The following TRIP11 variants were observed in gnomAD, a reference collection of about 807,000 sequenced individuals.
TRIP11 encodes the protein thyroid hormone receptor interactor 11, also known as thyroid receptor-interacting protein 11.
TRIP11 carries 148 observed loss-of-function variants against 223.1 expected under a neutral mutation model. The ratio of observed to expected loss-of-function variants is 0.66; its 90% CI spans 0.58 to 0.76. The LOEUF (loss-of-function observed/expected upper bound fraction) is 0.76. TRIP11 is among the 30% of genes least tolerant of loss of function. The pLI, the probability that TRIP11 is intolerant of heterozygous loss-of-function variation, is 0.00. For synonymous variants in TRIP11, 762 were observed against 772.6 expected, an observed-to-expected ratio of 0.99 and a Z score of 0.23; for missense variants, 2,043 against 2,222.0, an observed-to-expected ratio of 0.92 and a Z score of 1.62.
Position 92,005,808 on chromosome 14 carries a change from G to A in TRIP11, c.2168C>T (p.Ala723Val). 1 of 1,613,980 alleles carries A rather than the reference G, an allele frequency of 6.2e-7. No individual in the cohort carries two copies. Among genetic ancestry groups the A allele is most frequent in the East Asian group, 2.2e-5 (1 of 44,848 alleles). ...CCTCTTTTTAGCCCAACACAATTCT[G>A]CCTCTATCTCTCCTTTTTCCATTTT... Reference protein sequence around the residue: ...TLKMEKGEIEAELCWAKKRLL... With the variant: ...TLKMEKGEIEVELCWAKKRLL... The change falls in exon 11 of 21, where the codon GCA becomes GTA. Residue 723 changes from alanine to valine, a missense_variant. Physicochemically the swap from Ala to Val is moderately conservative, Grantham distance 64 (BLOSUM62 0). Coordinates refer to ENST00000267622, the MANE Select transcript of TRIP11 (RefSeq NM_004239.4).
intron 4 of TRIP11, among the ~76,000 whole-genome samples, chr14:92,018,785 G>A (rs920197134): frequency 1.3e-5 from 2 of 151,302 alleles, no homozygotes; most frequent in African/African-American, 2.4e-5. Flanking sequence ...GTGAAACCCC[G>A]TCACTATTAA....
intron 3 of TRIP11, among the ~76,000 whole-genome samples, chr14:92,023,527 G>A (rs2057140419): frequency 6.6e-6 from 1 of 152,172 alleles, no homozygotes; most frequent in Non-Finnish European, 1.5e-5. Flanking sequence ...CATCAAACTG[G>A]CACTCAAAGT....
chr14:92,039,567 T>A lies in TRIP11; in HGVS notation c.119A>T (p.Glu40Val). 6.2e-7 allele frequency: 1 copy of A among 1,613,860 alleles called. No individual in the cohort carries two copies. Among genetic ancestry groups the A allele is most frequent in the Non-Finnish European group, 8.5e-7 (1 of 1,179,940 alleles). Residue 40 changes from glutamate to valine, a missense_variant, in exon 1 of 21, where the codon GAG becomes GTG. By Grantham distance (121) the Glu-to-Val change is moderately radical (BLOSUM62 -2). Coordinates refer to ENST00000267622, the MANE Select transcript of TRIP11 (RefSeq NM_004239.4). ...ISNFTKDMLMEGTEEVEAELP... is the reference protein window; with the variant it reads ...ISNFTKDMLMVGTEEVEAELP... ...GTTACCTTCCACTTCCTCCGTGCCC[T>A]CCATCAGCATATCCTTTGTAAAGTT...
chr14:92,018,692 G>C (rs1048481418), intron 4 of TRIP11, among the ~76,000 whole-genome samples: 4 of 151,998 alleles, frequency 2.6e-5, no homozygotes, highest in Non-Finnish European at 5.9e-5. Context: ...GGGCACAGTG[G>C]CTCATGCCTA....
intron 16 of TRIP11, among the ~76,000 whole-genome samples, chr14:91,979,059 C>A (rs1233996104): frequency 2.0e-5 from 3 of 151,958 alleles, no homozygotes; most frequent in Non-Finnish European, 4.4e-5. Context: ...GAGTTTGAGA[C>A]CAGCCTGGGC....
chr14:92,000,498 A>T (rs1015214234), intron 11 of TRIP11, among the ~76,000 whole-genome samples: 2 of 152,240 alleles, frequency 1.3e-5, no homozygotes, highest in African/African-American at 4.8e-5. Context: ...ATACCTCATA[A>T]CAATGTAAGA....
chr14:91,969,779 T>G lies in TRIP11; in HGVS notation c.5834A>C (p.His1945Pro), dbSNP rs1204296457. The G allele has an allele frequency of 6.2e-7, 1 of 1,614,008 alleles. No individual in the cohort carries two copies. Among genetic ancestry groups the G allele is most frequent in the African/African-American group, 1.3e-5 (1 of 74,928 alleles). ...ATCTGAGATGGGTTTCAGAAGAAGA[T>G]GCCCGGGCCCACCAGGTCCAAGTCC... ...PAGLGPGGPG[H>P]LLLKPISDVL... Residue 1945 changes from histidine (H) to proline (P), a missense_variant, in exon 21 of 21, where the codon CAT becomes CCT. By Grantham distance (77) the His-to-Pro change is moderately conservative. Transcript: ENST00000267622.
At chr14:92,024,335 C>G (rs1401076138) in intron 3 of TRIP11, among the ~76,000 whole-genome samples, 1 of 147,656 alleles carries the variant, frequency 6.8e-6, no homozygotes, top group Admixed American at 6.8e-5. Flanking sequence ...TGCACCACTG[C>G]ACTTCAGCCT....
Position 91,995,477 on chromosome 14 carries a change from T to C in TRIP11, c.4931A>G (p.Gln1644Arg), listed in dbSNP as rs2056738242. The change falls in exon 14 of 21, where the codon CAG becomes CGG. Residue 1644 changes from glutamine to arginine, a missense_variant. Coordinates refer to ENST00000267622, the MANE Select transcript of TRIP11 (RefSeq NM_004239.4). The stretch of plus-strand genomic sequence containing the variant: ...CCTTTGCTTGGAAACTACATTCAAC[T>C]GTTCTTGCAATGACTCTACCTGCAC... ...ASVQVESLQE[Q>R]LNVVSKQRDE... The C allele has an allele frequency of 2.5e-6, 4 of 1,614,164 alleles. No homozygotes were observed. In the East Asian group the frequency reaches 8.9e-5, roughly 36 times the overall value.
rs1197052460 is a variant in TRIP11 at position 92,005,200 on chromosome 14, T to G, written c.2776A>C (p.Lys926Gln). The stretch of plus-strand genomic sequence containing the variant: ...TGTAAAGACTGAAGTAGTTGCATCT[T>G]ACTCTGGTTTTGATCTTCAATTATC... ...QKIIEDQNQS[K>Q]MQLLQSLQEQ... The change falls in exon 11 of 21, where the codon AAG becomes CAG. Residue 926 changes from lysine to glutamine, a missense_variant. Lys to Gln is a moderately conservative substitution (Grantham distance 53). Coordinates refer to ENST00000267622, the MANE Select transcript of TRIP11 (RefSeq NM_004239.4). 1 of 1,614,066 alleles carries G rather than the reference T, an allele frequency of 6.2e-7. No individual in the cohort carries two copies. Among genetic ancestry groups the G allele is most frequent in the East Asian group, 2.2e-5 (1 of 44,898 alleles).
chr14:92,011,733 A>T (rs757383725), intron 8 of TRIP11, 22 bp downstream of exon 8: 14 of 1,605,782 alleles, frequency 8.7e-6, no homozygotes, highest in Middle Eastern at 1.6e-4. Flanking sequence ...TATGCACATA[A>T]CATTTGTCAA....
chr14:91,977,247 A>G (rs1221704911), intron 16 of TRIP11: 1 of 453,956 alleles, frequency 2.2e-6, no homozygotes, highest in Non-Finnish European at 4.4e-6. Flanking sequence ...TCTTGATGAT[A>G]TCTTTTGAAA....
chr14:92,008,678 T>A (rs1449099592), intron 9 of TRIP11, among the ~76,000 whole-genome samples: 1 of 152,172 alleles, frequency 6.6e-6, no homozygotes, highest in African/African-American at 2.4e-5. Context: ...TTTTTAAAAA[T>A]CAAACCCATA....
Position 92,013,221 on chromosome 14 carries a change from C to T in TRIP11, c.1186+994G>A, listed in dbSNP as rs540273350. Among the ~76,000 whole-genome samples the T allele has an allele frequency of 3.9e-5, 6 of 152,160 alleles. No individual in the cohort carries two copies. In the South Asian group the frequency reaches 8.3e-4, roughly 21 times the overall value. On this transcript the variant is annotated intron_variant, in intron 7 of 20. Coordinates refer to ENST00000267622, the MANE Select transcript of TRIP11 (RefSeq NM_004239.4). ...GGTGGAGGTTGCAGTGAACCGAGATCGTGCCACTGCACTCCAGTCTGAGCT... is the reference window on the plus strand; with the variant it reads ...GGTGGAGGTTGCAGTGAACCGAGATTGTGCCACTGCACTCCAGTCTGAGCT...
intron 15 of TRIP11, 48 bp from the exon 16 acceptor site, chr14:91,988,431 C>T (rs2056630285): frequency 2.6e-6 from 4 of 1,517,688 alleles, no homozygotes; most frequent in Non-Finnish European, 3.6e-6. Flanking sequence ...AATTATTTCA[C>T]AAACTATAAG....
intron 3 of TRIP11, among the ~76,000 whole-genome samples, chr14:92,024,984 C>T (rs566222121): frequency 2.0e-5 from 3 of 152,136 alleles, no homozygotes; most frequent in Non-Finnish European, 2.9e-5. Context: ...CATGCCAATA[C>T]AACAAATATT....
At chr14:91,992,661 G>A (rs998074136) in intron 15 of TRIP11, among the ~76,000 whole-genome samples, 5 of 152,058 alleles carry the variant, frequency 3.3e-5, no homozygotes, top group African/African-American at 1.2e-4. Flanking sequence ...GGTAATCCCA[G>A]CACTTTGGGA....
intron 11 of TRIP11, 47 bp from the exon 12 acceptor site, chr14:92,000,155 A>G (rs763586648): frequency 6.2e-6 from 10 of 1,612,028 alleles, no homozygotes; most frequent in Non-Finnish European, 8.5e-6. Flanking sequence ...ACACACACAC[A>G]TATTTTAAAA....
intron 11 of TRIP11, among the ~76,000 whole-genome samples, chr14:92,000,839 C>T (rs1464206064): frequency 1.3e-5 from 2 of 151,620 alleles, no homozygotes; most frequent in Non-Finnish European, 2.9e-5. Flanking sequence ...TGTCAGGCTG[C>T]TTTACAGCCA....
Sources: allele counts gnomAD v4.1 joint callset (sites outside exome capture counted in the v4.1 genomes callset), GRCh38; gene constraint gnomAD v4.1.1; transcripts MANE v1.5; gene names NCBI Gene and HGNC (gene_info 2026-07-23, HGNC 2026-07-21).